The following VWA5B2 variants were observed in gnomAD, a reference collection of about 807,000 sequenced individuals.
The protein encoded by VWA5B2 is von Willebrand factor A domain-containing protein 5B2.
Under a neutral mutation model 118.5 loss-of-function variants are expected in VWA5B2, and 93 were observed. The observed-to-expected ratio is 0.79, with a 90% confidence interval of 0.66 to 0.93. The LOEUF is 0.93. Among genes scored for constraint, VWA5B2 ranks in the 40% least tolerant of loss-of-function variants. VWA5B2 has a pLI of 0.00. For missense variants in VWA5B2, 1,546 were observed against 1,672.8 expected (o/e 0.92, Z 1.32); for synonymous variants, 708 against 716.3 (o/e 0.99, Z 0.19).
At position 184,242,084 on chromosome 3, in the gene VWA5B2, A is replaced by C. The variant is rs1718790971; in HGVS notation, c.*46A>C. The C allele has an allele frequency of 6.5e-7, 1 of 1,538,680 alleles. No individual in the cohort carries two copies. Among genetic ancestry groups the C allele is most frequent in the Non-Finnish European group, 8.7e-7 (1 of 1,144,810 alleles). On this transcript the variant is annotated 3_prime_UTR_variant, in exon 20 of 20. Transcript: ENST00000691901. ...GGCTGGCGCCCCACCCAACACACTC[A>C]AGTCACTGCCGCCCAGGGCTGGCCT...
Position 184,238,234 on chromosome 3 carries a change from T to C in VWA5B2, c.1720-69T>C. 7.5e-7 allele frequency: 1 copy of C among 1,340,954 alleles called. No individual in the cohort carries two copies. The allele number at this position is 1,340,954 out of a possible 1,614,324, so 83.1% of individuals were successfully genotyped here. On this transcript the variant is annotated intron_variant, in intron 12 of 19. Transcript: ENST00000691901. The surrounding 1 kb of genome is among the most constrained non-coding windows in gnomAD (Gnocchi z 5.0). ...CTTTGTTGCCTCTTGCTGTGAGCCA[T>C]CTAAAAATGTTTGGAAAGAGGTAGC...
intron 7 of VWA5B2, 112 bp downstream of exon 7, chr3:184,234,867 A>G (rs1160269429): frequency 3.2e-5 from 47 of 1,456,310 alleles, no homozygotes; most frequent in Admixed American, 4.8e-5. Context: ...TTTCTCGGTA[A>G]GATCTCTCCA....
chr3:184,234,719 G>A lies in VWA5B2; in HGVS notation c.909G>A (p.Gln303=). ...GGGTGAGGGCCCGCCGAGATTTTCA[G>A]AGGCTACAGCGAAGGGACAGTGATG... ...EARVRARRDF[Q]RLQRRDSDGD... The change falls in exon 7 of 20, where the codon CAG becomes CAA. Residue 303 remains glutamine (Q), a synonymous_variant. Transcript: ENST00000691901. 6.4e-7 allele frequency: 1 copy of A among 1,551,518 alleles called. No homozygotes were observed. Among genetic ancestry groups the A allele is most frequent in the Non-Finnish European group, 8.7e-7 (1 of 1,147,000 alleles).
At chr3:184,236,612 C>G (rs2108426948) in intron 10 of VWA5B2, 26 bp from the exon 11 acceptor site, 2 of 1,549,148 alleles carry the variant, frequency 1.3e-6, no homozygotes, top group Admixed American at 3.9e-5. Flanking sequence ...TCCTGAAGAT[C>G]ACAGCTGCTT....
chr3:184,236,328 G>T lies in VWA5B2; in HGVS notation c.1213-15G>T. 1 of 1,549,162 alleles carries T rather than the reference G, an allele frequency of 6.5e-7. No individual in the cohort carries two copies. Among genetic ancestry groups the T allele is most frequent in the South Asian group, 1.2e-5 (1 of 84,036 alleles). ...TTCAGCCCAGTGCGTCCCAGCCTGT[G>T]CCTTCTCGCTCCAGGATGCTGTGCA... On this transcript the variant is annotated splice_polypyrimidine_tract_variant and intron_variant, in intron 9 of 19. Coordinates refer to ENST00000691901, the MANE Select transcript of VWA5B2 (RefSeq NM_001390846.1).
chr3:184,234,494 T>A, intron 6 of VWA5B2, 97 bp downstream of exon 6: 1 of 1,532,946 alleles, frequency 6.5e-7, no homozygotes, highest in Non-Finnish European at 8.8e-7. Flanking sequence ...CCCAGCCAGA[T>A]GGACTGAGTC....
chr3:184,237,459 G>C lies in VWA5B2; in HGVS notation c.1719+48G>C. On this transcript the variant is annotated intron_variant, in intron 12 of 19. Coordinates refer to ENST00000691901, the MANE Select transcript of VWA5B2 (RefSeq NM_001390846.1). The surrounding 1 kb of genome is among the most constrained non-coding windows in gnomAD (Gnocchi z 5.6). ...TAGGGGGGCTAGGGTGAGGTAGGGGGGCCTGGGATGGCTGAAGTCCCCGCA... is the reference window on the plus strand; with the variant it reads ...TAGGGGGGCTAGGGTGAGGTAGGGGCGCCTGGGATGGCTGAAGTCCCCGCA... The C allele has an allele frequency of 6.6e-7, 1 of 1,505,206 alleles. No homozygotes were observed. 93.2% of individuals were successfully genotyped at this position (1,505,206 alleles called of 1,614,324 possible). A position where few individuals can be genotyped will look rare whatever the true frequency, so the allele number is the denominator to read the frequency against.
rs921489826 is a variant in VWA5B2 at position 184,233,652 on chromosome 3, G to A, written c.607G>A (p.Val203Met). 2.2e-5 allele frequency: 34 copies of A among 1,551,188 alleles called. No individual in the cohort carries two copies. The highest frequency in any genetic ancestry group is 2.8e-5 in the Non-Finnish European group (32 of 1,146,964). Residue 203 changes from valine (V) to methionine (M), a missense_variant, in exon 5 of 20, where the codon GTG (valine) becomes ATG (methionine). Transcript: ENST00000691901. The surrounding 1 kb of genome is among the most constrained non-coding windows in gnomAD (Gnocchi z 5.2). Reference sequence around the variant, plus strand: ...GGAGGAGCTGGCTGCCCCTCGGGACGTGTTCTCAGGCCCTGCCCGCTGCCC... The same window carrying A: ...GGAGGAGCTGGCTGCCCCTCGGGACATGTTCTCAGGCCCTGCCCGCTGCCC... The part of the protein sequence containing the change: ...AWEELAAPRD[V>M]FSGPARCPAP...
chr3:184,233,169 C>A lies in VWA5B2; in HGVS notation c.311-9C>A. On this transcript the variant is annotated splice_polypyrimidine_tract_variant and intron_variant, in intron 3 of 19. Coordinates refer to ENST00000691901, the MANE Select transcript of VWA5B2 (RefSeq NM_001390846.1). The surrounding 1 kb of genome is among the most constrained non-coding windows in gnomAD (Gnocchi z 5.2). The stretch of plus-strand genomic sequence containing the variant: ...AGCATGCTCTGACCCCATTTCTCAC[C>A]CATCATAGGTCATCTTGTCTTGGAT... 1 of 1,548,096 alleles carries A rather than the reference C, an allele frequency of 6.5e-7. No individual in the cohort carries two copies. The highest frequency in any genetic ancestry group is 8.7e-7 in the Non-Finnish European group (1 of 1,145,568).
At position 184,237,507 on chromosome 3, in the gene VWA5B2, T is replaced by C. The variant is rs1042222954; in HGVS notation, c.1719+96T>C. 103 of 1,294,676 alleles carry C rather than the reference T, an allele frequency of 8.0e-5. No homozygotes were observed. Among genetic ancestry groups the C allele is most frequent in the Admixed American group, 2.5e-4 (11 of 43,638 alleles). 80.2% of individuals were successfully genotyped at this position (1,294,676 alleles called of 1,614,324 possible). On this transcript the variant is annotated intron_variant, in intron 12 of 19. Transcript: ENST00000691901. The surrounding 1 kb of genome is among the most constrained non-coding windows in gnomAD (Gnocchi z 5.6). The stretch of plus-strand genomic sequence containing the variant: ...GCATCTCTTCCAAACCCTTTTTCCA[T>C]TCTCTGTGCCTCTCTCTACCAAGCT...
Position 184,238,990 on chromosome 3 carries a change from T to C in VWA5B2, c.2202+117T>C. 3.5e-6 allele frequency: 4 copies of C among 1,146,274 alleles called. No homozygotes were observed. Among genetic ancestry groups the C allele is most frequent in the Non-Finnish European group, 4.8e-6 (4 of 829,252 alleles). The allele number at this position is 1,146,274 out of a possible 1,614,324, so 71.0% of individuals were successfully genotyped here. ...AAGTCTAGCTAGAGAGAAAGGTGGG[T>C]AAATCCCCAACGATACCATGTAACA... On this transcript the variant is annotated intron_variant, in intron 14 of 19. Transcript: ENST00000691901. The surrounding 1 kb of genome is among the most constrained non-coding windows in gnomAD (Gnocchi z 5.0).
intron 6 of VWA5B2, 106 bp downstream of exon 6, chr3:184,234,503 T>A (rs1717750394): frequency 6.5e-7 from 1 of 1,527,634 alleles, no homozygotes; most frequent in Non-Finnish European, 8.8e-7. Flanking sequence ...ATGGACTGAG[T>A]CATCTGTGAG....
Position 184,234,710 on chromosome 3 carries a change from A to C in VWA5B2, c.900A>C (p.Arg300=). ...AEYEARVRAR[R]DFQRLQRRDS... ...ATGAGGCCCGGGTGAGGGCCCGCCG[A>C]GATTTTCAGAGGCTACAGCGAAGGG... Residue 300 remains arginine, a synonymous_variant, in exon 7 of 20, where the codon CGA becomes CGC. Coordinates refer to ENST00000691901, the MANE Select transcript of VWA5B2 (RefSeq NM_001390846.1). The C allele has an allele frequency of 6.4e-7, 1 of 1,551,452 alleles. No homozygotes were observed.
chr3:184,237,275 C>T lies in VWA5B2; in HGVS notation c.1583C>T (p.Ser528Phe). The change falls in exon 12 of 20, where the codon TCT becomes TTT. Residue 528 changes from serine to phenylalanine, a missense_variant. Coordinates refer to ENST00000691901, the MANE Select transcript of VWA5B2 (RefSeq NM_001390846.1). This position sits in a 1 kb window ranked among gnomAD's most constrained non-coding sequence, Gnocchi z 5.6. ...CTGGAGCCTGCTTTGAGTGACATCT[C>T]TGTGGACTGGTTTGTGCCCGACACT... is the stretch of plus-strand genomic sequence containing the variant. ...KALEPALSDI[S>F]VDWFVPDTVE... 1 of 1,551,760 alleles carries T rather than the reference C, an allele frequency of 6.4e-7. No individual in the cohort carries two copies. Among genetic ancestry groups the T allele is most frequent in the Non-Finnish European group, 8.7e-7 (1 of 1,147,034 alleles).
Position 184,230,841 on chromosome 3 carries a change from G to T in VWA5B2, c.234G>T (p.Arg78=), listed in dbSNP as rs1427992742. ...GRRVSFQLQS[R]RRSQAACCRA... The stretch of plus-strand genomic sequence containing the variant: ...GCGTCTCCTTCCAGCTGCAGAGCCG[G>T]CGCCGCTCGCAGGCCGCCTGCTGCC... Residue 78 remains arginine (R), a synonymous_variant, in exon 3 of 20, where the codon CGG becomes CGT. Transcript: ENST00000691901. 3 of 1,246,068 alleles carry T rather than the reference G, an allele frequency of 2.4e-6. No homozygotes were observed. The highest frequency in any genetic ancestry group is 3.1e-5 in the African/African-American group (2 of 63,744). The allele number at this position is 1,246,068 out of a possible 1,614,324, so 77.2% of individuals were successfully genotyped here.
rs115703127 is a variant in VWA5B2, at chr3:184,239,988, A to G, written c.2692A>G (p.Asn898Asp). 2.6e-5 allele frequency: 41 copies of G among 1,550,074 alleles called. No individual in the cohort carries two copies. The African/African-American group carries it at 5.5e-4, about 21-fold the overall frequency. Residue 898 changes from asparagine to aspartate, a missense_variant, in exon 16 of 20, where the codon AAT (asparagine) becomes GAT (aspartate). This residue lies in a region of VWA5B2 where 763 missense variants were observed against 766.6 expected (regional missense o/e 1.00). Coordinates refer to ENST00000691901, the MANE Select transcript of VWA5B2 (RefSeq NM_001390846.1). This position sits in a 1 kb window ranked among gnomAD's most constrained non-coding sequence, Gnocchi z 5.1. Reference protein sequence around the residue: ...RLTAASVVRDNEQLALRGGAE... With the variant: ...RLTAASVVRDDEQLALRGGAE... Reference sequence around the variant, plus strand: ...GACAGCAGCCTCTGTGGTCCGGGACAATGAGCAGCTGGCCCTCCGAGGAGG... The same window carrying G: ...GACAGCAGCCTCTGTGGTCCGGGACGATGAGCAGCTGGCCCTCCGAGGAGG...
In VWA5B2 at chr3:184,238,778, C is replaced by T. The variant is rs1435339678; in HGVS notation, c.2107C>T (p.Pro703Ser). The part of the protein sequence containing the change: ...GSPEGSAPLE[P>S]PSQQGCRSLA... ...CCCCGAAGGTAGTGCTCCCTTGGAG[C>T]CCCCTTCTCAGCAGGGCTGCCGCAG... The change falls in exon 14 of 20, where the codon CCC becomes TCC. Residue 703 changes from proline to serine, a missense_variant. Transcript: ENST00000691901. This position sits in a 1 kb window ranked among gnomAD's most constrained non-coding sequence, Gnocchi z 5.0. 12 of 1,549,212 alleles carry T rather than the reference C, an allele frequency of 7.7e-6. No homozygotes were observed. Among genetic ancestry groups the T allele is most frequent in the Non-Finnish European group, 1.0e-5 (12 of 1,145,780 alleles).
At chr3:184,236,864 G>A in intron 11 of VWA5B2, 115 bp downstream of exon 11, 3 of 889,122 alleles carry the variant, frequency 3.4e-6, no homozygotes, top group Non-Finnish European at 5.0e-6. Context: ...CCCTCACCAG[G>A]CCTTCTCCCC....
At position 184,239,810 on chromosome 3, in the gene VWA5B2, C is replaced by T. The variant is rs1718377891; in HGVS notation, c.2514C>T (p.Arg838=). 1 of 1,548,354 alleles carries T rather than the reference C, an allele frequency of 6.5e-7. No individual in the cohort carries two copies. The highest frequency in any genetic ancestry group is 2.5e-5 in the East Asian group (1 of 40,814). Residue 838 remains arginine, a synonymous_variant, in exon 16 of 20, where the codon CGC becomes CGT. Transcript: ENST00000691901. The surrounding 1 kb of genome is among the most constrained non-coding windows in gnomAD (Gnocchi z 5.1). The stretch of plus-strand genomic sequence containing the variant: ...CAGCAGTGCCTCCCCAGGCTCCACG[C>T]TGCCATGTGGTGATCCGGGGCCTGT... ...APPAVPPQAP[R]CHVVIRGLCG...
Sources: gnomAD v4.1 joint callset for allele counts on GRCh38, gnomAD v4.1.1 for gene constraint, gnomAD v4.1.1 regional missense constraint, Gnocchi (gnomAD v3.1) non-coding constraint, MANE v1.5 for transcripts, NCBI Gene and HGNC (gene_info 2026-07-23, HGNC 2026-07-21) for gene names.